Variants in CCDC90B observed in about 807,000 individuals in gnomAD.
CCDC90B encodes coiled-coil domain-containing protein 90B, mitochondrial.
Under a neutral mutation model 37.0 loss-of-function variants are expected in CCDC90B, and 24 were observed. The observed-to-expected ratio is 0.65, with a 90% CI of 0.47 to 0.91. The LOEUF (loss-of-function observed/expected upper bound fraction) is 0.91. Among genes scored for constraint, CCDC90B ranks in the 40% least tolerant of loss-of-function variants. The pLI, the probability that CCDC90B is intolerant of heterozygous loss-of-function variation, is 0.00. For missense variants in CCDC90B, 319 were observed against 299.0 expected (o/e 1.07, Z -0.49); for synonymous variants, 113 against 101.1 (o/e 1.12, Z -0.71).
chr11:83,272,392 G>A (rs1437194254), intron 7 of CCDC90B, among the ~76,000 whole-genome samples: 1 of 151,982 alleles, frequency 6.6e-6, no homozygotes, highest in Non-Finnish European at 1.5e-5. Context: ...GAATACATAA[G>A]ATGATAAACT....
In CCDC90B at chr11:83,264,153, A is replaced by G. The variant is rs578106983; in HGVS notation, c.709+1712T>C. ...ACACATATATATGGCTGTTCAATAC[A>G]GTATTGTCCTTAATAATAAAAAACT... On this transcript the variant is annotated intron_variant, in intron 8 of 8. Transcript: ENST00000529689. 2.6e-5 allele frequency among the ~76,000 whole-genome samples: 4 copies of G among 152,334 alleles called. No individual in the cohort carries two copies. In the East Asian group the frequency reaches 7.7e-4, roughly 29 times the overall value.
rs369193244 is a variant in CCDC90B at position 83,285,799 on chromosome 11, G to A, written c.100+74C>T. On this transcript the variant is annotated intron_variant, in intron 1 of 8. Transcript: ENST00000529689. The stretch of plus-strand genomic sequence containing the variant: ...TGGCACCTTCTCTTCCCGTTCGCTC[G>A]AGCAGGCGCGACCCCACGGGCATCG... The A allele has an allele frequency of 1.7e-5, 26 of 1,524,258 alleles. No homozygotes were observed. In the Admixed American group the frequency reaches 5.1e-4, roughly 30 times the overall value. 94.4% of individuals were successfully genotyped at this position (1,524,258 alleles called of 1,614,324 possible).
chr11:83,260,590 A>G lies in CCDC90B; in HGVS notation c.*1321T>C, dbSNP rs1863884612. 2 of 152,192 alleles carry G rather than the reference A, an allele frequency of 1.3e-5. No individual in the cohort carries two copies. Among genetic ancestry groups the G allele is most frequent in the South Asian group, 2.1e-4 (1 of 4,834 alleles). 9.4% of individuals were successfully genotyped at this position (152,192 alleles called of 1,614,324 possible). On this transcript the variant is annotated 3_prime_UTR_variant, in exon 9 of 9. Coordinates refer to ENST00000529689, the MANE Select transcript of CCDC90B (RefSeq NM_021825.5). The stretch of plus-strand genomic sequence containing the variant: ...TATGGACCAATCTCTTGACTGCTCT[A>G]TACTGCAGATTCCCTGTTTATAGCT...
intron 1 of CCDC90B, chr11:83,285,004 A>G (rs1476627447): frequency 8.2e-6 from 4 of 486,502 alleles, no homozygotes; most frequent in Non-Finnish European, 1.2e-5. Flanking sequence ...CAACAACTGC[A>G]GTTTTGACTG....
chr11:83,273,253 C>CT (rs1258332862), intron 7 of CCDC90B: 1,225 of 112,224 alleles, frequency 0.011, 32 homozygotes, highest in Non-Finnish European at 0.015. Context: ...TAGTTATTTT[C>CT]TTTTTTTTTT....
Position 83,260,101 on chromosome 11 carries a change from G to C in CCDC90B, c.*1810C>G, listed in dbSNP as rs984046567. 6.6e-6 allele frequency: 1 copy of C among 152,224 alleles called. No homozygotes were observed. The highest frequency in any genetic ancestry group is 2.4e-5 in the African/African-American group (1 of 41,458). The allele number at this position is 152,224 out of a possible 1,614,324, so 9.4% of individuals were successfully genotyped here. Reference sequence around the variant, plus strand: ...ACTTTACCTAGGGCAGAGTGGATAAGGGGATGAAGAGTGACGACAGTGTTA... The same window carrying C: ...ACTTTACCTAGGGCAGAGTGGATAACGGGATGAAGAGTGACGACAGTGTTA... On this transcript the variant is annotated 3_prime_UTR_variant, in exon 9 of 9. Coordinates refer to ENST00000529689, the MANE Select transcript of CCDC90B (RefSeq NM_021825.5).
rs1865600470 is a variant in CCDC90B, at chr11:83,285,081, T to C, written c.100+792A>G. On this transcript the variant is annotated intron_variant, in intron 1 of 8. Coordinates refer to ENST00000529689, the MANE Select transcript of CCDC90B (RefSeq NM_021825.5). The stretch of plus-strand genomic sequence containing the variant: ...ATAGCACAAGTAACAATATGGAGTA[T>C]AAATAACAGCGTAGAAGTGTTTGGG... 3.6e-6 allele frequency: 4 copies of C among 1,103,770 alleles called. No homozygotes were observed. The Admixed American group carries it at 1.4e-4, about 37-fold the overall frequency. 68.4% of individuals were successfully genotyped at this position (1,103,770 alleles called of 1,614,324 possible).
At chr11:83,269,036 G>C (rs146481996) in intron 7 of CCDC90B, among the ~76,000 whole-genome samples, 2,762 of 152,184 alleles carry the variant, frequency 0.018, 66 homozygotes, top group African/African-American at 0.058. Context: ...ACGAAATGAA[G>C]GCAGAAATAA....
At chr11:83,265,203 A>G (rs1864179715) in intron 8 of CCDC90B, among the ~76,000 whole-genome samples, 1 of 152,224 alleles carries the variant, frequency 6.6e-6, no homozygotes, top group African/African-American at 2.4e-5. Context: ...GGGCCCTGTA[A>G]TTGGGTCAGG....
chr11:83,280,343 C>T, intron 1 of CCDC90B, 83 bp from the exon 2 acceptor site: 1 of 1,237,282 alleles, frequency 8.1e-7, no homozygotes, highest in East Asian at 2.3e-5. Context: ...TTTCCCCATC[C>T]ATTTATAATA....
chr11:83,278,457 A>G (rs1865174618), intron 3 of CCDC90B, among the ~76,000 whole-genome samples: 1 of 152,236 alleles, frequency 6.6e-6, no homozygotes, highest in South Asian at 2.1e-4. Flanking sequence ...CAAACAATCT[A>G]CCACCACTCA....
chr11:83,284,915 G>C (rs2135680232), intron 1 of CCDC90B, among the ~76,000 whole-genome samples: 1 of 152,320 alleles, frequency 6.6e-6, no homozygotes, highest in African/African-American at 2.4e-5. Flanking sequence ...GTGTATGTAT[G>C]CTAAACACTC....
chr11:83,278,459 C>T (rs1865175006), intron 3 of CCDC90B, among the ~76,000 whole-genome samples: 1 of 152,164 alleles, frequency 6.6e-6, no homozygotes, highest in Non-Finnish European at 1.5e-5. Context: ...AACAATCTAC[C>T]ACCACTCATG....
intron 3 of CCDC90B, among the ~76,000 whole-genome samples, chr11:83,277,973 AAC>A (rs772654694): frequency 1.1e-4 from 16 of 152,238 alleles, no homozygotes; most frequent in Non-Finnish European, 2.1e-4. Context: ...ATAGGAAGAA[AAC>A]AGATTCCTAA....
chr11:83,276,157 A>C (rs999444830), intron 3 of CCDC90B, among the ~76,000 whole-genome samples: 10 of 152,124 alleles, frequency 6.6e-5, no homozygotes, highest in African/African-American at 1.9e-4. Context: ...TCTGCTTGAC[A>C]TATTTTATGA....
At chr11:83,285,734 G>C in intron 1 of CCDC90B, 139 bp downstream of exon 1, 1 of 1,445,794 alleles carries the variant, frequency 6.9e-7, no homozygotes. Context: ...AGCAGGCAGC[G>C]GCGTCGCCCA....
chr11:83,264,349 GAAGTATATAAGATGTTTAT>G (rs142588956), intron 8 of CCDC90B, among the ~76,000 whole-genome samples: 1,545 of 152,248 alleles, frequency 0.01, 30 homozygotes, highest in African/African-American at 0.034. Context: ...TTATTTTTAA[GAAGTATATAAGATGTTTAT>G]ATACAGAAGA....
rs1012719372 is a variant in CCDC90B at position 83,259,267 on chromosome 11, T to C, written c.*2644A>G. 3 of 152,122 alleles carry C rather than the reference T, an allele frequency of 2.0e-5. No individual in the cohort carries two copies. The highest frequency in any genetic ancestry group is 4.4e-5 in the Non-Finnish European group (3 of 68,018). 9.4% of individuals were successfully genotyped at this position (152,122 alleles called of 1,614,324 possible). ...AGTTTTAAGGCATATAGAAACACAA[T>C]CCTCTCATCCTTATTTCATATATTT... On this transcript the variant is annotated 3_prime_UTR_variant, in exon 9 of 9. Coordinates refer to ENST00000529689, the MANE Select transcript of CCDC90B (RefSeq NM_021825.5).
rs1194906388 is a variant in CCDC90B, at chr11:83,259,594, A to G, written c.*2317T>C. ...TGGGTTGTGAATATAACTAAGATGA[A>G]GAATGAATAAACTAATATAGAGGCC... On this transcript the variant is annotated 3_prime_UTR_variant, in exon 9 of 9. Coordinates refer to ENST00000529689, the MANE Select transcript of CCDC90B (RefSeq NM_021825.5). The G allele has an allele frequency of 6.6e-6, 1 of 152,220 alleles. No individual in the cohort carries two copies. Among genetic ancestry groups the G allele is most frequent in the Non-Finnish European group, 1.5e-5 (1 of 68,034 alleles). The allele number at this position is 152,220 out of a possible 1,614,324, so 9.4% of individuals were successfully genotyped here.
Sources: allele counts gnomAD v4.1 joint callset (sites outside exome capture counted in the v4.1 genomes callset), GRCh38; gene constraint gnomAD v4.1.1; transcripts MANE v1.5; gene names NCBI Gene and HGNC (gene_info 2026-07-23, HGNC 2026-07-21).